The following SLC7A8 variants were observed in gnomAD, a reference collection of about 807,000 sequenced individuals.
SLC7A8 encodes the protein solute carrier family 7 member 8.
Under a neutral mutation model 51.2 loss-of-function variants are expected in SLC7A8, and 30 were observed. That is an observed-to-expected ratio of 0.59 (90% CI 0.44 to 0.80). SLC7A8 has a LOEUF of 0.80. SLC7A8 is among the 30% of genes least tolerant of loss of function. SLC7A8 has a pLI of 0.00. For missense variants in SLC7A8, 612 were observed against 674.4 expected, an observed-to-expected ratio of 0.91 and a Z score of 1.03; for synonymous variants, 257 against 275.8, an observed-to-expected ratio of 0.93 and a Z score of 0.67.
chr14:23,181,717 C>T (rs181871708), intron 1 of SLC7A8, among the ~76,000 whole-genome samples: 28 of 152,360 alleles, frequency 1.8e-4, no homozygotes, highest in Admixed American at 1.7e-3. Context: ...AGAAGCATAT[C>T]TATGCCTGAC....
chr14:23,142,560 G>A (rs1398697772), intron 4 of SLC7A8, among the ~76,000 whole-genome samples: 1 of 152,150 alleles, frequency 6.6e-6, no homozygotes, highest in Non-Finnish European at 1.5e-5. Flanking sequence ...GAGTGCAGTG[G>A]CACAATCATA....
chr14:23,179,824 G>T (rs905191528), intron 1 of SLC7A8, among the ~76,000 whole-genome samples: 1 of 151,368 alleles, frequency 6.6e-6, no homozygotes. Context: ...AAAAAAGAAA[G>T]AAAGAAAGAA....
intron 1 of SLC7A8, among the ~76,000 whole-genome samples, chr14:23,176,425 C>T (rs541847768): frequency 2.6e-5 from 4 of 152,168 alleles, no homozygotes; most frequent in Non-Finnish European, 5.9e-5. Flanking sequence ...CAATATATAT[C>T]AGCCTCCTCC....
intron 1 of SLC7A8, 102 bp downstream of exon 1, chr14:23,182,662 T>C (rs1877231931): frequency 1.5e-6 from 2 of 1,348,038 alleles, no homozygotes; most frequent in Admixed American, 2.7e-5. Context: ...ACAATCCTTT[T>C]CTAAGGAATA....
chr14:23,129,388 T>C, intron 9 of SLC7A8: 1 of 427,532 alleles, frequency 2.3e-6, no homozygotes, highest in Non-Finnish European at 4.2e-6. Context: ...AGGCTTAGAC[T>C]GGTAGGAAAC....
At chr14:23,140,694 T>G in intron 4 of SLC7A8, 70 bp from the exon 5 acceptor site, 1 of 1,510,160 alleles carries the variant, frequency 6.6e-7, no homozygotes, top group Admixed American at 1.8e-5. Flanking sequence ...TGGCCTGCCC[T>G]GGCCCACCTC....
rs151282936 is a variant in SLC7A8, at chr14:23,146,557, T to G, written c.509-3353A>C. On this transcript the variant is annotated intron_variant, in intron 3 of 10. Coordinates refer to ENST00000316902, the MANE Select transcript of SLC7A8 (RefSeq NM_012244.4). ...ATAACCTATCTGTGGCTATCTTCTG[T>G]CTTGCCTAACCTTATCTCCATCACT... 9.5e-3 allele frequency among the ~76,000 whole-genome samples: 1,446 copies of G among 152,320 alleles called. 11 individuals are homozygous for G. Among genetic ancestry groups the G allele is most frequent in the Middle Eastern group, 0.02 (6 of 294 alleles).
chr14:23,157,425 G>C (rs927172630), intron 3 of SLC7A8, among the ~76,000 whole-genome samples: 2 of 152,150 alleles, frequency 1.3e-5, no homozygotes, highest in Non-Finnish European at 2.9e-5. Context: ...TTTGCAGCAT[G>C]ACTCTCCTAA....
At position 23,129,796 on chromosome 14, in the gene SLC7A8, T is replaced by C. The variant is rs751155998; in HGVS notation, c.1117A>G (p.Ile373Val). The change falls in exon 9 of 11, where the codon ATC becomes GTC. Residue 373 changes from isoleucine to valine, a missense_variant. Physicochemically the swap from Ile to Val is conservative, Grantham distance 29 (BLOSUM62 3). Transcript: ENST00000316902. Reference protein sequence around the residue: ...TPIPALLFTCISTLLMLVTSD... With the variant: ...TPIPALLFTCVSTLLMLVTSD... ...GTGACCAGCATCAGCAGGGTGGAGA[T>C]GCACTGGGAAAGTGGGAGGAGCTCA... The C allele has an allele frequency of 1.9e-6, 3 of 1,614,006 alleles. No individual in the cohort carries two copies. The highest frequency in any genetic ancestry group is 3.3e-5 in the Admixed American group (2 of 60,008).
Position 23,140,569 on chromosome 14 carries a change from G to A in SLC7A8, c.690C>T (p.Asp230=), listed in dbSNP as rs763226598. The A allele has an allele frequency of 2.5e-6, 4 of 1,614,046 alleles. No individual in the cohort carries two copies. Among genetic ancestry groups the A allele is most frequent in the Non-Finnish European group, 3.4e-6 (4 of 1,179,996 alleles). ...GGAAAGCCAGTGCGACGAGGCCGAT[G>A]TCAGGTTCCTGGAAATTCTCAAATG... is the stretch of plus-strand genomic sequence containing the variant. The part of the protein sequence containing the change: ...KNAFENFQEP[D]IGLVALAFLQ... Residue 230 remains aspartate (D), a synonymous_variant, in exon 5 of 11, where the codon GAC becomes GAT. Transcript: ENST00000316902.
intron 10 of SLC7A8, among the ~76,000 whole-genome samples, chr14:23,127,550 T>G (rs908009723): frequency 1.3e-5 from 2 of 152,204 alleles, no homozygotes; most frequent in African/African-American, 4.8e-5. Context: ...CCTTCCCACC[T>G]TCCCTGTGCC....
intron 4 of SLC7A8, among the ~76,000 whole-genome samples, chr14:23,141,115 C>T (rs2048740958): frequency 6.6e-6 from 1 of 151,868 alleles, no homozygotes; most frequent in Admixed American, 6.6e-5. Context: ...AGACTCCCAT[C>T]TCCACCACTA....
At chr14:23,158,767 A>C (rs1400305525) in intron 3 of SLC7A8, among the ~76,000 whole-genome samples, 1 of 152,242 alleles carries the variant, frequency 6.6e-6, no homozygotes, top group Non-Finnish European at 1.5e-5. Flanking sequence ...CAATATGTCC[A>C]GCTGATTCTA....
At chr14:23,144,700 C>T (rs1406688241) in intron 3 of SLC7A8, among the ~76,000 whole-genome samples, 3 of 152,176 alleles carry the variant, frequency 2.0e-5, no homozygotes, top group East Asian at 1.9e-4. Context: ...TTCCTTTGTG[C>T]GCCATCTCCA....
chr14:23,131,206 C>A (rs1337913481), intron 8 of SLC7A8, among the ~76,000 whole-genome samples: 1 of 152,008 alleles, frequency 6.6e-6, no homozygotes, highest in East Asian at 1.9e-4. Flanking sequence ...TCAGTCTGAC[C>A]CAAAAGGATG....
chr14:23,158,177 T>G (rs760742284), intron 3 of SLC7A8, among the ~76,000 whole-genome samples: 33 of 152,142 alleles, frequency 2.2e-4, no homozygotes, highest in Non-Finnish European at 4.3e-4. Context: ...CACTGATAAG[T>G]GTTTGTTGAG....
At chr14:23,163,817 T>C (rs1166828090) in intron 3 of SLC7A8, among the ~76,000 whole-genome samples, 1 of 152,120 alleles carries the variant, frequency 6.6e-6, no homozygotes, top group African/African-American at 2.4e-5. Flanking sequence ...CCCCAATCCA[T>C]TGAGATGACT....
At chr14:23,170,756 C>A (rs900179650) in intron 1 of SLC7A8, among the ~76,000 whole-genome samples, 1 of 152,100 alleles carries the variant, frequency 6.6e-6, no homozygotes, top group Admixed American at 6.5e-5. Flanking sequence ...TGGGTCTCAC[C>A]ACTCTTTCAC....
chr14:23,128,205 C>G lies in SLC7A8; in HGVS notation c.1264-9G>C. 6.2e-7 allele frequency: 1 copy of G among 1,613,854 alleles called. No homozygotes were observed. The highest frequency in any genetic ancestry group is 1.3e-5 in the African/African-American group (1 of 75,022). ...GGGAACAGCAGGTTGATCTGTGGAG[C>G]AGAGGCATGAGGCGTATGAACTGTG... On this transcript the variant is annotated splice_polypyrimidine_tract_variant and intron_variant, in intron 9 of 10. Transcript: ENST00000316902. The surrounding 1 kb of genome is among the most constrained non-coding windows in gnomAD (Gnocchi z 4.3).
Sources: allele counts gnomAD v4.1 joint callset (sites outside exome capture counted in the v4.1 genomes callset), GRCh38; gene constraint gnomAD v4.1.1; non-coding constraint Gnocchi (gnomAD v3.1); transcripts MANE v1.5; gene names NCBI Gene and HGNC (gene_info 2026-07-23, HGNC 2026-07-21).